The following AKT3 variants were observed in gnomAD, a reference collection of about 807,000 sequenced individuals.
AKT3 encodes the protein AKT serine/threonine kinase 3, also known as RAC-gamma serine/threonine-protein kinase.
In AKT3, 15 loss-of-function variants were observed where a neutral mutation model predicts 65.3. The observed-to-expected ratio is 0.23, with a 90% CI of 0.15 to 0.35. AKT3 has a LOEUF of 0.35. AKT3 is among the 10% of genes least tolerant of loss of function. The pLI is 1.00. For synonymous variants in AKT3, 206 were observed against 183.8 expected (o/e 1.12, Z -0.98); for missense variants, 243 against 576.5 (o/e 0.42, Z 5.92).
intron 4 of AKT3, among the ~76,000 whole-genome samples, chr1:243,659,052 T>C (rs1455559270): frequency 3.3e-5 from 5 of 151,460 alleles, no homozygotes; most frequent in South Asian, 4.2e-4. Context: ...AAGAAGGCAA[T>C]TGTGTTATAT....
At chr1:243,656,314 T>C (rs535810570) in intron 4 of AKT3, among the ~76,000 whole-genome samples, 6 of 152,052 alleles carry the variant, frequency 3.9e-5, no homozygotes, top group Non-Finnish European at 7.4e-5. Context: ...CACCAACTGA[T>C]TAGTTACTTA....
downstream of AKT3, among the ~76,000 whole-genome samples, chr1:243,499,476 T>TAACA (rs571682794): frequency 3.2e-4 from 48 of 152,368 alleles, no homozygotes; most frequent in East Asian, 4.8e-3. Flanking sequence ...GGCCATGTCC[T>TAACA]AACACCAGAC....
chr1:243,686,653 T>TATATATATATA (rs1684343018), intron 3 of AKT3, among the ~76,000 whole-genome samples: 19 of 11,548 alleles, frequency 1.6e-3, no homozygotes, highest in African/African-American at 2.7e-3. Flanking sequence ...ATATATATAT[T>TATATATATATA]TTTTTTTTTT....
At chr1:243,746,035 A>C (rs530860238) in intron 2 of AKT3, among the ~76,000 whole-genome samples, 17 of 152,258 alleles carry the variant, frequency 1.1e-4, no homozygotes, top group Middle Eastern at 3.4e-3. Flanking sequence ...GGTATCAAAA[A>C]CTTCAAAAAA....
chr1:243,642,772 T>A (rs757821873), intron 5 of AKT3, among the ~76,000 whole-genome samples: 3 of 152,200 alleles, frequency 2.0e-5, no homozygotes, highest in Non-Finnish European at 2.9e-5. Context: ...CATGGGCATA[T>A]ATAACAAATG....
intron 8 of AKT3, among the ~76,000 whole-genome samples, chr1:243,593,004 A>G (rs1676343064): frequency 6.6e-6 from 1 of 152,210 alleles, no homozygotes; most frequent in African/African-American, 2.4e-5. Flanking sequence ...AGCGGAACAC[A>G]AAATGGGAAA....
At chr1:243,802,084 T>C in intron 2 of AKT3, among the ~76,000 whole-genome samples, 1 of 152,208 alleles carries the variant, frequency 6.6e-6, no homozygotes, top group East Asian at 1.9e-4. Context: ...TCTTAAATAA[T>C]ACCCGGCTTG....
intron 2 of AKT3, among the ~76,000 whole-genome samples, chr1:243,751,454 C>T (rs992754173): frequency 6.6e-6 from 1 of 152,196 alleles, no homozygotes; most frequent in Admixed American, 6.5e-5. Context: ...GTAATAGTTG[C>T]TCATTTCTTT....
chr1:243,700,041 T>C (rs1412800849), intron 2 of AKT3, among the ~76,000 whole-genome samples: 1 of 152,106 alleles, frequency 6.6e-6, no homozygotes, highest in Non-Finnish European at 1.5e-5. Context: ...GCCTCCAGAA[T>C]TGTGGCAGAA....
intron 4 of AKT3, among the ~76,000 whole-genome samples, chr1:243,658,214 A>C (rs970117976): frequency 6.6e-6 from 1 of 152,212 alleles, no homozygotes; most frequent in Non-Finnish European, 1.5e-5. Flanking sequence ...ATAAGGGCTT[A>C]ATATTCAAAA....
intron 2 of AKT3, among the ~76,000 whole-genome samples, chr1:243,796,843 CCTGGAAAACACTACGCTAAGTGAAATA>C (rs1162698298): frequency 6.6e-6 from 1 of 152,006 alleles, no homozygotes; most frequent in African/African-American, 2.4e-5. Context: ...CATGGATGAA[CCTGGAAAACACTACGCTAAGTGAAATA>C]AGCCAGTCAC....
At chr1:243,620,701 T>C (rs913414073) in intron 6 of AKT3, among the ~76,000 whole-genome samples, 17 of 152,116 alleles carry the variant, frequency 1.1e-4, no homozygotes, top group Non-Finnish European at 2.1e-4. Flanking sequence ...TTTTTGAAGA[T>C]TTCTCACCTT....
intron 2 of AKT3, among the ~76,000 whole-genome samples, chr1:243,776,396 T>C (rs1220439145): frequency 2.0e-5 from 3 of 152,148 alleles, no homozygotes; most frequent in East Asian, 3.8e-4. Flanking sequence ...GGGAAAAGAT[T>C]AGAGTTAGAT....
At chr1:243,809,033 G>A (rs935826242) in intron 2 of AKT3, among the ~76,000 whole-genome samples, 7 of 152,062 alleles carry the variant, frequency 4.6e-5, no homozygotes, top group South Asian at 2.1e-4. Flanking sequence ...TGAAGGAGGC[G>A]CTAAACATGG....
chr1:243,553,332 G>A (rs1194522875), intron 10 of AKT3, among the ~76,000 whole-genome samples: 1 of 152,186 alleles, frequency 6.6e-6, no homozygotes, highest in Non-Finnish European at 1.5e-5. Flanking sequence ...GCTAGGGTGT[G>A]CTGATTATAG....
intron 2 of AKT3, among the ~76,000 whole-genome samples, chr1:243,826,156 G>GC (rs777870948): frequency 9.9e-5 from 15 of 151,882 alleles, no homozygotes; most frequent in Non-Finnish European, 1.8e-4. Flanking sequence ...AAAGAAAGGA[G>GC]CATAAACCTA....
intron 2 of AKT3, among the ~76,000 whole-genome samples, chr1:243,827,666 T>G (rs767006249): frequency 1.3e-5 from 2 of 152,118 alleles, no homozygotes; most frequent in African/African-American, 2.4e-5. Context: ...TACCCAATCC[T>G]GAGTGAGAGG....
intron 2 of AKT3, among the ~76,000 whole-genome samples, chr1:243,805,784 T>TAGTA (rs1342522415): frequency 2.6e-5 from 4 of 152,216 alleles, no homozygotes; most frequent in Non-Finnish European, 5.9e-5. Flanking sequence ...CATTCCCTGT[T>TAGTA]AGTAAAGTGT....
At chr1:243,745,642 T>G (rs924071345) in intron 2 of AKT3, among the ~76,000 whole-genome samples, 4 of 152,178 alleles carry the variant, frequency 2.6e-5, no homozygotes, top group African/African-American at 9.7e-5. Context: ...AGAACAGCTT[T>G]GAATGCGCCT....
Sources: allele counts gnomAD v4.1 joint callset (sites outside exome capture counted in the v4.1 genomes callset), GRCh38; gene constraint gnomAD v4.1.1; transcripts MANE v1.5; gene names NCBI Gene and HGNC (gene_info 2026-07-23, HGNC 2026-07-21).